Variants in ADGB observed in about 807,000 individuals in gnomAD.
ADGB encodes the protein androglobin, also known as calpain-7-like protein.
ADGB carries 172 observed loss-of-function variants against 210.5 expected under a neutral mutation model. The observed-to-expected ratio is 0.82, with a 90% CI of 0.72 to 0.93. ADGB has a LOEUF of 0.93. Ranked by LOEUF, ADGB falls within the 40% of genes least tolerant of loss-of-function variation. The probability of loss-of-function intolerance (pLI) is 0.00; values close to 1 mark genes in which losing one functional copy is unlikely to be tolerated. For missense variants in ADGB, 2,025 were observed against 1,964.8 expected (o/e 1.03, Z -0.58); for synonymous variants, 658 against 662.7 (o/e 0.99, Z 0.11).
intron 3 of ADGB, among the ~76,000 whole-genome samples, chr6:146,652,267 A>T (rs942803916): frequency 2.0e-5 from 3 of 152,222 alleles, no homozygotes; most frequent in African/African-American, 7.2e-5. Flanking sequence ...TTATTAATGT[A>T]TAGCTTATCA....
intron 1 of ADGB, among the ~76,000 whole-genome samples, chr6:146,620,747 T>C (rs1780876581): frequency 6.6e-6 from 1 of 152,170 alleles, no homozygotes; most frequent in East Asian, 1.9e-4. Flanking sequence ...TCTAAACCTC[T>C]TTAAGAGAAT....
At chr6:146,762,218 GT>G (rs1270731299) in intron 27 of ADGB, among the ~76,000 whole-genome samples, 2 of 151,944 alleles carry the variant, frequency 1.3e-5, no homozygotes, top group African/African-American at 4.8e-5. Context: ...CTCTTTTGAA[GT>G]TTTTTCACTC....
In ADGB at chr6:146,733,995, CT is replaced by C; in HGVS notation, c.2761del (p.Tyr921ThrfsTer6). ...AAAATTCAAGCCATGTGGAGAGGAA[CT>C]TACGTTAGATTGCTTATGAAAGCCA... The part of the protein sequence containing the change: ...AIKIQAMWRG[T>X]YVRLLMKARI... On this transcript the variant is annotated frameshift_variant, in exon 22 of 36. Transcript: ENST00000397944. LOFTEE classifies it high-confidence loss of function. 1.3e-6 allele frequency: 2 copies of C among 1,551,512 alleles called. No individual in the cohort carries two copies. Among genetic ancestry groups the C allele is most frequent in the Non-Finnish European group, 1.7e-6 (2 of 1,146,920 alleles).
chr6:146,779,113 A>C (rs1279964542), intron 29 of ADGB, among the ~76,000 whole-genome samples: 1 of 151,212 alleles, frequency 6.6e-6, no homozygotes, highest in Non-Finnish European at 1.5e-5. Flanking sequence ...GGCGGATGCC[A>C]GAAGAAGTAA....
Position 146,733,921 on chromosome 6 carries a change from GC to G in ADGB, c.2688del (p.Thr897GlnfsTer11). The G allele has an allele frequency of 6.4e-7, 1 of 1,551,592 alleles. No homozygotes were observed. The highest frequency in any genetic ancestry group is 8.7e-7 in the Non-Finnish European group (1 of 1,146,958). On this transcript the variant is annotated frameshift_variant, in exon 22 of 36. Transcript: ENST00000397944. LOFTEE classifies it high-confidence loss of function. ...AATGGCTGGACGTTAAATATTGTAT[GC>G]CCACAAGTGATAAAGAGTATTCTGC... ...VEWLDVKYCM[P>X]TSDKEYSAEE... is the part of the protein sequence containing the mutation.
chr6:146,778,962 A>T (rs1227009122), intron 29 of ADGB, among the ~76,000 whole-genome samples: 1 of 152,196 alleles, frequency 6.6e-6, no homozygotes, highest in Non-Finnish European at 1.5e-5. Context: ...GTCTGCAGCA[A>T]AAAAAGTTTG....
chr6:146,761,058 C>T (rs372653661), intron 27 of ADGB, among the ~76,000 whole-genome samples: 1 of 151,842 alleles, frequency 6.6e-6, no homozygotes, highest in African/African-American at 2.4e-5. Flanking sequence ...TGTCTTTTCA[C>T]TTCCTTAACA....
intron 23 of ADGB, among the ~76,000 whole-genome samples, chr6:146,739,807 A>C (rs1459217167): frequency 6.6e-6 from 1 of 152,166 alleles, no homozygotes; most frequent in Non-Finnish European, 1.5e-5. Context: ...TTCTGGCAGA[A>C]TAGGAGGGAT....
rs1052445 is a variant in ADGB at position 146,815,122 on chromosome 6, A to C, written c.4909A>C (p.Thr1637Pro). 1 of 1,548,108 alleles carries C rather than the reference A, an allele frequency of 6.5e-7. No individual in the cohort carries two copies. The highest frequency in any genetic ancestry group is 2.5e-5 in the East Asian group (1 of 40,678). The stretch of plus-strand genomic sequence containing the variant: ...GGAAGCTGAGCACCTAAAGCTGGAA[A>C]CTCTGGCTGCTCAGGAAGCAGCCAT... ...LLEAEHLKLETLAAQEAAMKL... is the reference protein window; with the variant it reads ...LLEAEHLKLEPLAAQEAAMKL... Residue 1637 changes from threonine to proline, a missense_variant, in exon 36 of 36, where the codon ACT becomes CCT. Thr to Pro is a conservative substitution (Grantham distance 38, BLOSUM62 -1). Coordinates refer to ENST00000397944, the MANE Select transcript of ADGB (RefSeq NM_024694.4).
chr6:146,666,826 G>A lies in ADGB; in HGVS notation c.763G>A (p.Ala255Thr), dbSNP rs1775942664. 1.3e-6 allele frequency: 2 copies of A among 1,546,668 alleles called. No individual in the cohort carries two copies. The highest frequency in any genetic ancestry group is 1.7e-6 in the Non-Finnish European group (2 of 1,143,516). ...CATGTTCTTTTTTAGCATCCATGTA[G>A]CAGACAGGAGAGAGCTGGGGGAGTT... ...IKLANIDIHV[A>T]DRRELGEFTV... Residue 255 changes from alanine to threonine, a missense_variant, in exon 7 of 36, where the codon GCA becomes ACA. By Grantham distance (58) the Ala-to-Thr change is moderately conservative. Coordinates refer to ENST00000397944, the MANE Select transcript of ADGB (RefSeq NM_024694.4).
chr6:146,635,645 A>G, intron 2 of ADGB, 108 bp downstream of exon 2: 1 of 1,201,356 alleles, frequency 8.3e-7, no homozygotes, highest in Non-Finnish European at 1.1e-6. Flanking sequence ...ATGTGCATTC[A>G]AAAGGGAAAT....
At chr6:146,754,389 T>C (rs971961345) in intron 27 of ADGB, among the ~76,000 whole-genome samples, 2 of 151,746 alleles carry the variant, frequency 1.3e-5, no homozygotes, top group Admixed American at 6.6e-5. Context: ...TCAATATTTA[T>C]ATTTATCTTT....
At chr6:146,602,452 A>G (rs1282275149) in intron 1 of ADGB, among the ~76,000 whole-genome samples, 1 of 152,240 alleles carries the variant, frequency 6.6e-6, no homozygotes, top group Non-Finnish European at 1.5e-5. Context: ...TTAACATAAC[A>G]ATTTTTAACG....
intron 27 of ADGB, among the ~76,000 whole-genome samples, chr6:146,755,954 GTTTGT>G (rs980533918): frequency 1.3e-5 from 2 of 151,604 alleles, no homozygotes; most frequent in African/African-American, 2.4e-5. Flanking sequence ...GTATTTTTTT[GTTTGT>G]TTTGTTTTGT....
chr6:146,774,918 G>T (rs259416), intron 29 of ADGB, among the ~76,000 whole-genome samples: 1 of 151,734 alleles, frequency 6.6e-6, no homozygotes, highest in Non-Finnish European at 1.5e-5. Context: ...GATTACAGAC[G>T]TGCGCCACCA....
At chr6:146,766,117 A>G (rs1446877519) in intron 28 of ADGB, among the ~76,000 whole-genome samples, 1 of 152,100 alleles carries the variant, frequency 6.6e-6, no homozygotes. Flanking sequence ...TTTAAAACCT[A>G]CAGGGTGGTA....
chr6:146,814,811 A>C (rs529019077), intron 35 of ADGB, among the ~76,000 whole-genome samples: 2 of 152,286 alleles, frequency 1.3e-5, no homozygotes, highest in Admixed American at 6.5e-5. Flanking sequence ...TTTTCTACAA[A>C]TGTTTTTATT....
At chr6:146,677,476 G>C (rs1158116383) in intron 9 of ADGB, among the ~76,000 whole-genome samples, 2 of 151,962 alleles carry the variant, frequency 1.3e-5, no homozygotes, top group African/African-American at 4.8e-5. Flanking sequence ...AACATGTCTA[G>C]TGATGTGGAT....
chr6:146,684,937 T>A (rs1776202442), intron 9 of ADGB, among the ~76,000 whole-genome samples: 2 of 152,086 alleles, frequency 1.3e-5, no homozygotes, highest in Non-Finnish European at 2.9e-5. Context: ...GATTTTCATA[T>A]CTCCATTCTA....
Sources: gnomAD v4.1 joint callset for allele counts (sites outside exome capture counted in the v4.1 genomes callset) on GRCh38, gnomAD v4.1.1 for gene constraint, MANE v1.5 for transcripts, NCBI Gene and HGNC (gene_info 2026-07-23, HGNC 2026-07-21) for gene names.